The following RGS7 variants were observed in gnomAD, a reference collection of about 807,000 sequenced individuals.
The protein encoded by RGS7 is regulator of G-protein signaling 7.
RGS7 carries 27 observed loss-of-function variants against 81.1 expected under a neutral mutation model. The observed-to-expected ratio is 0.33, with a 90% CI of 0.25 to 0.46. The LOEUF is 0.46. RGS7 is among the 20% of genes least tolerant of loss of function. The pLI, the probability that RGS7 is intolerant of heterozygous loss-of-function variation, is 1.00. For missense variants in RGS7, 396 were observed against 607.4 expected (o/e 0.65, Z 3.66); for synonymous variants, 208 against 207.7 (o/e 1.00, Z -0.01).
At chr1:241,019,978 T>A (rs1371568397) in intron 3 of RGS7, among the ~76,000 whole-genome samples, 1 of 152,226 alleles carries the variant, frequency 6.6e-6, no homozygotes, top group East Asian at 1.9e-4. Context: ...AAAAGAGTGA[T>A]GACTTCAAAA....
At chr1:240,876,248 G>T (rs1244170102) in intron 6 of RGS7, among the ~76,000 whole-genome samples, 1 of 152,090 alleles carries the variant, frequency 6.6e-6, no homozygotes, top group Non-Finnish European at 1.5e-5. Flanking sequence ...AGCACTCTCA[G>T]CAGCCCCTTG....
At chr1:241,348,392 T>C (rs6673077) in intron 2 of RGS7, among the ~76,000 whole-genome samples, 112,770 of 152,082 alleles carry the variant, frequency 0.74, 44,343 homozygotes, top group South Asian at 0.88. Context: ...ATCTAATCTA[T>C]TTAGAGGGGT....
intron 3 of RGS7, among the ~76,000 whole-genome samples, chr1:241,062,881 T>G (rs998111894): frequency 1.3e-5 from 2 of 152,196 alleles, no homozygotes; most frequent in Admixed American, 1.3e-4. Flanking sequence ...TAGTTTTACT[T>G]CGTTAACTCT....
chr1:241,098,902 T>C, intron 2 of RGS7, 140 bp from the exon 3 acceptor site: 1 of 677,464 alleles, frequency 1.5e-6, no homozygotes, highest in Non-Finnish European at 2.6e-6. Context: ...TTTTGCCACA[T>C]TAATAGTTTA....
In RGS7 at chr1:241,271,063, C is replaced by T. The variant is rs943429830; in HGVS notation, c.78+84636G>A. Among the ~76,000 whole-genome samples the T allele has an allele frequency of 2.6e-5, 4 of 152,178 alleles. No homozygotes were observed. The highest frequency in any genetic ancestry group is 2.4e-5 in the African/African-American group (1 of 41,450). Reference sequence around the variant, plus strand: ...CCATCCCTTTTAATTTCTGCACGGGCCCTACTTTAAGTATCGCTGCAGTGG... The same window carrying T: ...CCATCCCTTTTAATTTCTGCACGGGTCCTACTTTAAGTATCGCTGCAGTGG... On this transcript the variant is annotated intron_variant, in intron 2 of 18. Transcript: ENST00000440928. This position sits in a 1 kb window ranked among gnomAD's most constrained non-coding sequence, Gnocchi z 4.6.
At chr1:241,207,348 C>CATATAT (rs540737449) in intron 2 of RGS7, among the ~76,000 whole-genome samples, 36 of 143,780 alleles carry the variant, frequency 2.5e-4, no homozygotes, top group South Asian at 1.7e-3. Context: ...CTTTAAAATG[C>CATATAT]ATATATATAT....
At chr1:241,300,029 C>G (rs2079650321) in intron 2 of RGS7, among the ~76,000 whole-genome samples, 1 of 150,260 alleles carries the variant, frequency 6.7e-6, no homozygotes, top group Admixed American at 6.7e-5. Flanking sequence ...GTGGGAAGAT[C>G]GCCTGAACCC....
intron 3 of RGS7, 102 bp downstream of exon 3, chr1:241,098,564 T>C (rs1042784536): frequency 2.0e-5 from 16 of 789,410 alleles, no homozygotes; most frequent in Middle Eastern, 2.2e-4. Flanking sequence ...TACTGAATAA[T>C]GGATTAGAGA....
intron 2 of RGS7, among the ~76,000 whole-genome samples, chr1:241,331,322 T>C (rs941525622): frequency 6.6e-6 from 1 of 152,182 alleles, no homozygotes; most frequent in Non-Finnish European, 1.5e-5. Context: ...TATTATAATA[T>C]AATGATTGAA....
At chr1:241,290,823 A>C (rs1345588845) in intron 2 of RGS7, among the ~76,000 whole-genome samples, 2 of 152,244 alleles carry the variant, frequency 1.3e-5, no homozygotes, top group East Asian at 3.8e-4. Context: ...TGAAATGGCG[A>C]GACAGATTTC....
chr1:241,016,353 A>G (rs770133915), intron 3 of RGS7, among the ~76,000 whole-genome samples: 6 of 152,034 alleles, frequency 3.9e-5, no homozygotes, highest in Non-Finnish European at 7.4e-5. Flanking sequence ...CCCTGTCTCT[A>G]CTAAAAATAC....
intron 4 of RGS7, among the ~76,000 whole-genome samples, chr1:240,939,132 C>T (rs1230871382): frequency 6.6e-6 from 1 of 152,134 alleles, no homozygotes; most frequent in East Asian, 1.9e-4. Context: ...CTAGTAGGTA[C>T]TATGTATATG....
In RGS7 at chr1:241,028,546, A is replaced by G. The variant is rs144638521; in HGVS notation, c.176-45417T>C. Among the ~76,000 whole-genome samples the G allele has an allele frequency of 1.5e-3, 227 of 152,252 alleles. 1 individual carries two copies. Among genetic ancestry groups the G allele is most frequent in the Non-Finnish European group, 2.5e-3 (171 of 68,024 alleles). On this transcript the variant is annotated intron_variant, in intron 3 of 18. Coordinates refer to ENST00000440928, the MANE Select transcript of RGS7 (RefSeq NM_001364886.1). ...AGAAAGAGACTGAGATGCCGGTGAA[A>G]CAGGGAGGAGGAGAGCCAGGAGAGC...
intron 2 of RGS7, among the ~76,000 whole-genome samples, chr1:241,148,100 G>A (rs2068486685): frequency 7.4e-6 from 1 of 134,624 alleles, no homozygotes; most frequent in African/African-American, 2.8e-5. Flanking sequence ...TGCCCAGGCT[G>A]GAGTATAGTG....
intron 6 of RGS7, among the ~76,000 whole-genome samples, chr1:240,891,366 G>C (rs1477052103): frequency 6.6e-6 from 1 of 152,116 alleles, no homozygotes; most frequent in African/African-American, 2.4e-5. Context: ...AGATTCAAAT[G>C]AACATATAAT....
intron 2 of RGS7, among the ~76,000 whole-genome samples, chr1:241,297,587 T>C (rs1281423816): frequency 6.6e-6 from 1 of 152,156 alleles, no homozygotes; most frequent in Non-Finnish European, 1.5e-5. Flanking sequence ...CGGATCGGCA[T>C]CAGGCAAAAA....
rs552024063 is a variant in RGS7, at chr1:240,876,720, G to T, written c.386-6601C>A. Among the ~76,000 whole-genome samples the T allele has an allele frequency of 4.6e-5, 7 of 152,238 alleles. No individual in the cohort carries two copies. The South Asian group carries it at 1.5e-3, about 32-fold the overall frequency. ...CTCACACCTGTAATCCTAGCATTTT[G>T]GGAGCTGAGGCAGGCAGATTGCTTG... is the stretch of plus-strand genomic sequence containing the variant. On this transcript the variant is annotated intron_variant, in intron 6 of 18. Transcript: ENST00000440928.
intron 6 of RGS7, among the ~76,000 whole-genome samples, chr1:240,887,712 T>A (rs979013633): frequency 2.0e-5 from 3 of 152,196 alleles, no homozygotes; most frequent in African/African-American, 4.8e-5. Flanking sequence ...TTTTAAATAT[T>A]TTTTTAAATT....
At chr1:240,998,564 T>C (rs901562053) in intron 3 of RGS7, 13 of 837,090 alleles carry the variant, frequency 1.6e-5, no homozygotes, top group Non-Finnish European at 2.4e-5. Context: ...AAGCTCCTGC[T>C]GGTACAGATA....
Sources: gnomAD v4.1 joint callset for allele counts (sites outside exome capture counted in the v4.1 genomes callset) on GRCh38, gnomAD v4.1.1 for gene constraint, Gnocchi (gnomAD v3.1) non-coding constraint, MANE v1.5 for transcripts, NCBI Gene and HGNC (gene_info 2026-07-23, HGNC 2026-07-21) for gene names.